Variants in SGCZ observed in about 807,000 individuals in gnomAD.
SGCZ encodes the protein sarcoglycan zeta, also known as zeta-sarcoglycan.
Under a neutral mutation model 41.3 loss-of-function variants are expected in SGCZ, and 40 were observed. The observed-to-expected ratio is 0.97, with a 90% CI of 0.75 to 1.26. The LOEUF is 1.26. Among genes scored for constraint, SGCZ ranks in the 50% most tolerant of loss-of-function variants. The pLI is 0.00. For missense variants in SGCZ, 552 were observed against 369.8 expected, an observed-to-expected ratio of 1.49 and a Z score of -4.04; for synonymous variants, 206 against 137.5, an observed-to-expected ratio of 1.50 and a Z score of -3.49.
chr8:15,188,186 T>G (rs1800409263), intron 1 of SGCZ, among the ~76,000 whole-genome samples: 1 of 152,040 alleles, frequency 6.6e-6, no homozygotes, highest in Admixed American at 6.5e-5. Flanking sequence ...TGGAGTATTG[T>G]ATCAAGTGGG....
At chr8:15,179,872 A>G (rs578214765) in intron 1 of SGCZ, among the ~76,000 whole-genome samples, 30 of 152,286 alleles carry the variant, frequency 2.0e-4, no homozygotes, top group African/African-American at 6.5e-4. Context: ...GGAAGAAGAT[A>G]TAAGCTAAAC....
At chr8:14,678,346 T>A (rs2117531964) in intron 1 of SGCZ, among the ~76,000 whole-genome samples, 1 of 152,138 alleles carries the variant, frequency 6.6e-6, no homozygotes, top group East Asian at 1.9e-4. Flanking sequence ...AAATAAGAAA[T>A]CAAACCAATC....
chr8:14,303,668 C>T (rs1017341715), intron 3 of SGCZ, among the ~76,000 whole-genome samples: 1 of 152,116 alleles, frequency 6.6e-6, no homozygotes, highest in African/African-American at 2.4e-5. Flanking sequence ...ACACCAGTGT[C>T]TTCTTGGTTT....
intron 1 of SGCZ, among the ~76,000 whole-genome samples, chr8:14,687,464 G>A (rs889613713): frequency 2.6e-5 from 4 of 151,342 alleles, no homozygotes; most frequent in East Asian, 1.9e-4. Flanking sequence ...TTGTCCTTGC[G>A]AAAGTTTACT....
At chr8:14,900,860 T>A (rs191048478) in intron 1 of SGCZ, among the ~76,000 whole-genome samples, 1 of 152,336 alleles carries the variant, frequency 6.6e-6, no homozygotes, top group East Asian at 1.9e-4. Context: ...TGGCCTACTA[T>A]AGAAATGTTG....
intron 1 of SGCZ, among the ~76,000 whole-genome samples, chr8:15,057,610 G>A (rs538749987): frequency 6.6e-5 from 10 of 152,238 alleles, no homozygotes; most frequent in Middle Eastern, 6.8e-3. Context: ...GATAATAGAC[G>A]TAGGCACAGA....
intron 2 of SGCZ, among the ~76,000 whole-genome samples, chr8:14,371,520 TA>T (rs33998040): frequency 3.5e-4 from 53 of 151,830 alleles, no homozygotes; most frequent in African/African-American, 1.2e-3. Flanking sequence ...TATGTAAATA[TA>T]AAAAAAAGTG....
At chr8:15,153,715 C>T (rs534976070) in intron 1 of SGCZ, among the ~76,000 whole-genome samples, 1 of 152,138 alleles carries the variant, frequency 6.6e-6, no homozygotes, top group Non-Finnish European at 1.5e-5. Flanking sequence ...CCTGCCCCTA[C>T]CGTGCCTTCC....
At chr8:14,402,588 C>G (rs944663992) in intron 2 of SGCZ, among the ~76,000 whole-genome samples, 7 of 143,464 alleles carry the variant, frequency 4.9e-5, no homozygotes, top group African/African-American at 2.1e-4. Context: ...TGTCAAAGAT[C>G]AGATAGTTGT....
chr8:14,838,960 T>A (rs1802803899), intron 1 of SGCZ, among the ~76,000 whole-genome samples: 1 of 152,086 alleles, frequency 6.6e-6, no homozygotes, highest in African/African-American at 2.4e-5. Flanking sequence ...CATGGCTATG[T>A]TGGACAAGGT....
At chr8:15,056,268 T>C (rs1804696380) in intron 1 of SGCZ, among the ~76,000 whole-genome samples, 1 of 152,192 alleles carries the variant, frequency 6.6e-6, no homozygotes, top group Admixed American at 6.5e-5. Flanking sequence ...TTCCTATTCT[T>C]CTCTTTGCTG....
chr8:15,147,497 C>G (rs972883963), intron 1 of SGCZ, among the ~76,000 whole-genome samples: 1 of 152,184 alleles, frequency 6.6e-6, no homozygotes, highest in Non-Finnish European at 1.5e-5. Flanking sequence ...AGGCTGGTCT[C>G]GAACTCCTGA....
chr8:15,057,940 T>G (rs1482396411), intron 1 of SGCZ, among the ~76,000 whole-genome samples: 2 of 152,234 alleles, frequency 1.3e-5, no homozygotes, highest in Non-Finnish European at 2.9e-5. Context: ...GTGAAGATAC[T>G]CTTGCCATAA....
intron 1 of SGCZ, among the ~76,000 whole-genome samples, chr8:14,813,659 T>A (rs1801802667): frequency 6.6e-6 from 1 of 152,016 alleles, no homozygotes; most frequent in South Asian, 2.1e-4. Flanking sequence ...CTTAAAATAA[T>A]AATAAAGCAA....
At chr8:14,744,194 G>C (rs1024203653) in intron 1 of SGCZ, among the ~76,000 whole-genome samples, 1 of 152,166 alleles carries the variant, frequency 6.6e-6, no homozygotes, top group Admixed American at 6.6e-5. Flanking sequence ...AAAGAGCAGA[G>C]ATAAAGAAAC....
At chr8:14,834,217 T>C (rs17120394) in intron 1 of SGCZ, among the ~76,000 whole-genome samples, 18,558 of 152,176 alleles carry the variant, frequency 0.12, 1,934 homozygotes, top group African/African-American at 0.28. Flanking sequence ...TTCCTGATGC[T>C]GATAAATTAA....
chr8:15,002,119 A>G (rs1802447272), intron 1 of SGCZ, among the ~76,000 whole-genome samples: 1 of 152,158 alleles, frequency 6.6e-6, no homozygotes, highest in Non-Finnish European at 1.5e-5. Context: ...TAAGACACAT[A>G]GAGATGTAAG....
At chr8:14,147,855 G>T (rs1803575369) in intron 5 of SGCZ, among the ~76,000 whole-genome samples, 1 of 152,172 alleles carries the variant, frequency 6.6e-6, no homozygotes, top group African/African-American at 2.4e-5. Context: ...ATAATGTCAA[G>T]CATATTCCCA....
rs1385431701 is a variant in SGCZ, at chr8:14,806,731, G to T, written c.40-251805C>A. Among the ~76,000 whole-genome samples the T allele has an allele frequency of 2.0e-5, 3 of 152,268 alleles. No homozygotes were observed. In the East Asian group the frequency reaches 5.8e-4, roughly 29 times the overall value. ...AGGGACTCCTCCCTAACTCATTTTA[G>T]GGAGTTAGCATCATTCTGATACCAA... On this transcript the variant is annotated intron_variant, in intron 1 of 7. Transcript: ENST00000382080.
Sources: gnomAD v4.1 joint callset for allele counts (sites outside exome capture counted in the v4.1 genomes callset) on GRCh38, gnomAD v4.1.1 for gene constraint, MANE v1.5 for transcripts, NCBI Gene and HGNC (gene_info 2026-07-23, HGNC 2026-07-21) for gene names.